OSBPL3: variants seen among roughly 807,000 people sequenced by gnomAD.
OSBPL3 encodes the protein oxysterol binding protein like 3.
A neutral mutation model predicts 120.1 loss-of-function variants in OSBPL3; 65 were observed. The ratio of observed to expected loss-of-function variants is 0.54; its 90% confidence interval spans 0.44 to 0.67. OSBPL3 has a LOEUF of 0.67. Ranked by LOEUF, OSBPL3 falls within the 30% of genes least tolerant of loss-of-function variation. The pLI is 0.00. For synonymous variants in OSBPL3, 416 were observed against 402.6 expected (o/e 1.03, Z -0.40); for missense variants, 1,004 against 1,082.1 (o/e 0.93, Z 1.01).
In OSBPL3 at chr7:24,872,023, G is replaced by A; in HGVS notation, c.143C>T (p.Thr48Ile). Residue 48 changes from threonine to isoleucine, a missense_variant, in exon 3 of 23, where the codon ACC becomes ATC. Physicochemically the swap from Thr to Ile is moderately conservative, Grantham distance 89. Around this residue, in one of 4 missense-constraint regions of OSBPL3, gnomAD observed 255 missense variants for 248.7 expected, o/e 1.03. Coordinates refer to ENST00000313367, the MANE Select transcript of OSBPL3 (RefSeq NM_015550.4). This position sits in a 1 kb window ranked among gnomAD's most constrained non-coding sequence, Gnocchi z 4.1. ...VEGLRGEMNY[T>I]QEPPVQKGFL... Reference sequence around the variant, plus strand: ...TCCTTTCTGAACTGGTGGCTCCTGGGTGTAATTCATCTCCCCCCTCAGTCC... The same window carrying A: ...TCCTTTCTGAACTGGTGGCTCCTGGATGTAATTCATCTCCCCCCTCAGTCC... The A allele has an allele frequency of 6.2e-7, 1 of 1,613,940 alleles. No homozygotes were observed. The highest frequency in any genetic ancestry group is 1.1e-5 in the South Asian group (1 of 91,066).
At chr7:24,970,444 C>T (rs769975101) in intron 1 of OSBPL3, among the ~76,000 whole-genome samples, 35 of 152,182 alleles carry the variant, frequency 2.3e-4, no homozygotes, top group Non-Finnish European at 4.6e-4. Flanking sequence ...ATGTGCCCTT[C>T]AAGATGTGTC....
chr7:24,963,798 C>T (rs144996074), intron 1 of OSBPL3, among the ~76,000 whole-genome samples: 64 of 152,176 alleles, frequency 4.2e-4, no homozygotes, highest in African/African-American at 1.5e-3. Flanking sequence ...TGTTTTTCAC[C>T]GTGGGTAGTA....
At chr7:24,907,037 C>A (rs1049429968) in intron 1 of OSBPL3, among the ~76,000 whole-genome samples, 1 of 152,132 alleles carries the variant, frequency 6.6e-6, no homozygotes, top group Non-Finnish European at 1.5e-5. Context: ...ATTAATCCAA[C>A]CAAACTCCCT....
At chr7:24,976,876 T>C (rs913747308) in intron 1 of OSBPL3, among the ~76,000 whole-genome samples, 1 of 152,202 alleles carries the variant, frequency 6.6e-6, no homozygotes, top group Non-Finnish European at 1.5e-5. Flanking sequence ...TGGAATGAAG[T>C]GGAAGAAAGA....
intron 1 of OSBPL3, among the ~76,000 whole-genome samples, chr7:24,969,699 C>T (rs1563022754): frequency 6.6e-6 from 1 of 152,090 alleles, no homozygotes; most frequent in South Asian, 2.1e-4. Flanking sequence ...ACTCCCAACC[C>T]CTAGTTCCTA....
intron 10 of OSBPL3, among the ~76,000 whole-genome samples, chr7:24,859,358 AAGTT>A (rs911804719): frequency 6.7e-4 from 92 of 137,330 alleles, no homozygotes; most frequent in African/African-American, 2.9e-3. Context: ...ATTGAAAAAA[AAGTT>A]AAGCAGAAAG....
intron 16 of OSBPL3, among the ~76,000 whole-genome samples, chr7:24,823,380 A>G (rs924715108): frequency 6.6e-6 from 1 of 152,166 alleles, no homozygotes. Context: ...GATTTCTAAA[A>G]TGAGTGTATT....
At position 24,935,401 on chromosome 7, in the gene OSBPL3, G is replaced by GTGTATATA. The variant is rs1355254006; in HGVS notation, c.-149-42788_-149-42781dup. ...TTACATGTACTCACTTTGTGTGTAT[G>GTGTATATA]TGTATATATGTATTGTATATATTTC... On this transcript the variant is annotated intron_variant, in intron 1 of 22. Coordinates refer to ENST00000313367, the MANE Select transcript of OSBPL3 (RefSeq NM_015550.4). Among the ~76,000 whole-genome samples the GTGTATATA allele has an allele frequency of 4.6e-5, 7 of 152,092 alleles. No individual in the cohort carries two copies. In the East Asian group the frequency reaches 1.3e-3, roughly 29 times the overall value.
intron 1 of OSBPL3, among the ~76,000 whole-genome samples, chr7:24,895,244 G>A (rs1035329205): frequency 2.0e-5 from 3 of 152,176 alleles, no homozygotes; most frequent in Non-Finnish European, 4.4e-5. Context: ...TGTATACGCT[G>A]GTGGTCCCAT....
intron 1 of OSBPL3, among the ~76,000 whole-genome samples, chr7:24,957,116 A>T (rs1815158681): frequency 6.6e-6 from 1 of 152,132 alleles, no homozygotes; most frequent in Non-Finnish European, 1.5e-5. Context: ...GTACTTGAAT[A>T]GGCCCATTGC....
intron 2 of OSBPL3, among the ~76,000 whole-genome samples, chr7:24,874,572 C>T (rs1279426447): frequency 6.6e-6 from 1 of 152,074 alleles, no homozygotes; most frequent in Non-Finnish European, 1.5e-5. Context: ...GTTCCTCCTC[C>T]TGAGACAGAG....
chr7:24,802,620 C>A lies in OSBPL3; in HGVS notation c.2567+1695G>T, dbSNP rs1366570798. Among the ~76,000 whole-genome samples the A allele has an allele frequency of 6.6e-6, 1 of 152,186 alleles. No individual in the cohort carries two copies. Among genetic ancestry groups the A allele is most frequent in the Non-Finnish European group, 1.5e-5 (1 of 68,028 alleles). ...CTTCGTAAGGTCATCCTTAATGCCT[C>A]ATGTTGGATCGAGTTGGTGAATCTC... On this transcript the variant is annotated intron_variant, in intron 22 of 22. Transcript: ENST00000313367. This position sits in a 1 kb window ranked among gnomAD's most constrained non-coding sequence, Gnocchi z 4.1.
At chr7:24,874,242 G>A (rs888974844) in intron 2 of OSBPL3, among the ~76,000 whole-genome samples, 4 of 152,196 alleles carry the variant, frequency 2.6e-5, no homozygotes, top group African/African-American at 9.7e-5. Context: ...TGAAAGAAGA[G>A]GGTGTGGGTA....
intron 4 of OSBPL3, 142 bp from the exon 5 acceptor site, chr7:24,870,987 G>A: frequency 1.5e-6 from 1 of 652,148 alleles, no homozygotes; most frequent in Non-Finnish European, 2.8e-6. Context: ...CCAGTGCTGA[G>A]TTACGTGCTG....
At chr7:24,814,550 T>C (rs1794234269) in intron 19 of OSBPL3, among the ~76,000 whole-genome samples, 1 of 152,052 alleles carries the variant, frequency 6.6e-6, no homozygotes, top group African/African-American at 2.4e-5. Flanking sequence ...TTAAATACAT[T>C]CACAATGCTG....
At chr7:24,914,927 C>T (rs1346659134) in intron 1 of OSBPL3, among the ~76,000 whole-genome samples, 1 of 152,148 alleles carries the variant, frequency 6.6e-6, no homozygotes, top group African/African-American at 2.4e-5. Flanking sequence ...ATAAGGACTG[C>T]TCAGTATCAA....
chr7:24,814,953 T>C (rs1794289264), intron 19 of OSBPL3, 106 bp downstream of exon 19: 1 of 1,041,102 alleles, frequency 9.6e-7, no homozygotes, highest in African/African-American at 1.6e-5. Context: ...GCTTGCCTGC[T>C]GGCATAAAGG....
intron 1 of OSBPL3, among the ~76,000 whole-genome samples, chr7:24,974,464 G>A (rs1251297296): frequency 6.6e-6 from 1 of 152,188 alleles, no homozygotes; most frequent in Non-Finnish European, 1.5e-5. Flanking sequence ...GCAGTCATCT[G>A]AATGTTTATT....
intron 2 of OSBPL3, among the ~76,000 whole-genome samples, chr7:24,874,280 C>T (rs1802559704): frequency 6.6e-6 from 1 of 152,130 alleles, no homozygotes; most frequent in South Asian, 2.1e-4. Flanking sequence ...AAATCCAAGA[C>T]TTAAAATCCT....
Sources: allele counts gnomAD v4.1 joint callset (sites outside exome capture counted in the v4.1 genomes callset), GRCh38; gene constraint gnomAD v4.1.1; regional missense constraint gnomAD v4.1.1; non-coding constraint Gnocchi (gnomAD v3.1); transcripts MANE v1.5; gene names NCBI Gene and HGNC (gene_info 2026-07-23, HGNC 2026-07-21).